KPNA4: variants seen among roughly 807,000 people sequenced by gnomAD.
The protein encoded by KPNA4 is importin subunit alpha-3.
KPNA4 carries 13 observed loss-of-function variants against 71.3 expected under a neutral mutation model. The observed-to-expected ratio is 0.18, with a 90% CI of 0.12 to 0.29. The LOEUF (loss-of-function observed/expected upper bound fraction) is 0.29. Ranked by LOEUF, KPNA4 falls within the 10% of genes least tolerant of loss-of-function variation. The pLI is 1.00. For synonymous variants in KPNA4, 189 were observed against 195.2 expected, an observed-to-expected ratio of 0.97 and a Z score of 0.26; for missense variants, 334 against 603.2, an observed-to-expected ratio of 0.55 and a Z score of 4.67.
chr3:160,561,579 G>C (rs953767100), intron 1 of KPNA4, among the ~76,000 whole-genome samples: 1 of 152,050 alleles, frequency 6.6e-6, no homozygotes, highest in Non-Finnish European at 1.5e-5. Flanking sequence ...AGAGGAGTCA[G>C]AATGGTAGAG....
chr3:160,540,356 T>C (rs1577058645), intron 1 of KPNA4, among the ~76,000 whole-genome samples: 1 of 152,206 alleles, frequency 6.6e-6, no homozygotes, highest in Admixed American at 6.5e-5. Flanking sequence ...GGAGGTTTTT[T>C]GATAATTTGA....
chr3:160,509,717 T>G (rs1577046181), intron 14 of KPNA4, 83 bp downstream of exon 14: 1 of 1,004,030 alleles, frequency 1.0e-6, no homozygotes. Flanking sequence ...TTTTAAATTA[T>G]AACTTACTCA....
chr3:160,521,266 T>C (rs976271872), intron 11 of KPNA4, among the ~76,000 whole-genome samples: 7 of 152,180 alleles, frequency 4.6e-5, no homozygotes, highest in Non-Finnish European at 8.8e-5. Context: ...TCAGATGCCA[T>C]GCATGTTGCT....
chr3:160,530,134 CAA>C (rs746257397), intron 7 of KPNA4, among the ~76,000 whole-genome samples: 12 of 38,528 alleles, frequency 3.1e-4, no homozygotes, highest in Non-Finnish European at 6.0e-4. Context: ...GACTCCATCT[CAA>C]AAAAAAAAAA....
In KPNA4 at chr3:160,498,024, T is replaced by G. The variant is rs1243316574; in HGVS notation, c.*4080A>C. 1.3e-5 allele frequency: 2 copies of G among 152,214 alleles called. No homozygotes were observed. The highest frequency in any genetic ancestry group is 2.9e-5 in the Non-Finnish European group (2 of 68,034). 9.4% of individuals were successfully genotyped at this position (152,214 alleles called of 1,614,324 possible). A position where few individuals can be genotyped will look rare whatever the true frequency, so the allele number is the denominator to read the frequency against. ...ATTGGTTCACAAATTTAAATGAATT[T>G]AGATTACCTTTAGAATAGTAATTAG... On this transcript the variant is annotated 3_prime_UTR_variant, in exon 17 of 17. Coordinates refer to ENST00000334256, the MANE Select transcript of KPNA4 (RefSeq NM_002268.5).
At chr3:160,529,263 T>C (rs1293620794) in intron 7 of KPNA4, among the ~76,000 whole-genome samples, 1 of 152,138 alleles carries the variant, frequency 6.6e-6, no homozygotes, top group Non-Finnish European at 1.5e-5. Context: ...TTATTTTTGG[T>C]ATATTAAAGC....
intron 4 of KPNA4, 43 bp from the exon 5 acceptor site, chr3:160,535,608 T>A (rs754825180): frequency 6.3e-7 from 1 of 1,588,726 alleles, no homozygotes; most frequent in Admixed American, 1.8e-5. Flanking sequence ...ATATCACGAT[T>A]AGCTGTTGAG....
chr3:160,515,018 A>G (rs763436012), intron 12 of KPNA4: 2 of 519,204 alleles, frequency 3.9e-6, no homozygotes, highest in South Asian at 2.8e-5. Context: ...GTAATCAACA[A>G]CCCATGTTAT....
chr3:160,502,780 G>A (rs188679985), intron 16 of KPNA4, among the ~76,000 whole-genome samples: 94 of 152,236 alleles, frequency 6.2e-4, no homozygotes, highest in Non-Finnish European at 1.0e-3. Flanking sequence ...TCAAAGAGAG[G>A]ATGCAAAATT....
intron 7 of KPNA4, 71 bp downstream of exon 7, chr3:160,530,784 G>T: frequency 2.0e-6 from 2 of 1,010,072 alleles, no homozygotes; most frequent in Non-Finnish European, 3.1e-6. Context: ...ATAGTCTTTT[G>T]GGAAGATCAC....
intron 11 of KPNA4, among the ~76,000 whole-genome samples, chr3:160,519,198 CATGAACATGA>C (rs1251680150): frequency 6.6e-5 from 10 of 152,146 alleles, no homozygotes; most frequent in Non-Finnish European, 1.3e-4. Flanking sequence ...TTAGACAATC[CATGAACATGA>C]ATGTCTTTCC....
At position 160,501,534 on chromosome 3, in the gene KPNA4, C is replaced by T. The variant is rs1489284222; in HGVS notation, c.*570G>A. 1 of 152,630 alleles carries T rather than the reference C, an allele frequency of 6.6e-6. No homozygotes were observed. The highest frequency in any genetic ancestry group is 1.5e-5 in the Non-Finnish European group (1 of 68,038). 9.5% of individuals were successfully genotyped at this position (152,630 alleles called of 1,614,324 possible). A position where few individuals can be genotyped will look rare whatever the true frequency, so the allele number is the denominator to read the frequency against. ...AGCACCACAACCACGCTCTCGTACACAGTCACTCCAGGACTAGGAGTCTGC... is the reference window on the plus strand; with the variant it reads ...AGCACCACAACCACGCTCTCGTACATAGTCACTCCAGGACTAGGAGTCTGC... On this transcript the variant is annotated 3_prime_UTR_variant, in exon 17 of 17. Transcript: ENST00000334256.
intron 12 of KPNA4, chr3:160,514,996 A>G (rs1721177084): frequency 1.9e-6 from 1 of 519,214 alleles, no homozygotes; most frequent in South Asian, 1.4e-5. Context: ...GGTTATAATC[A>G]TTGGCAATGT....
At chr3:160,559,686 C>T (rs1381408782) in intron 1 of KPNA4, among the ~76,000 whole-genome samples, 1 of 152,050 alleles carries the variant, frequency 6.6e-6, no homozygotes, top group Non-Finnish European at 1.5e-5. Flanking sequence ...TCCTGAAAAG[C>T]CTATGAAAAC....
At chr3:160,551,713 T>C (rs1268060127) in intron 1 of KPNA4, among the ~76,000 whole-genome samples, 1 of 152,216 alleles carries the variant, frequency 6.6e-6, no homozygotes, top group Non-Finnish European at 1.5e-5. Flanking sequence ...CAAATATCTG[T>C]TAAACCAAAT....
chr3:160,559,700 A>G (rs1394573771), intron 1 of KPNA4, among the ~76,000 whole-genome samples: 4 of 152,128 alleles, frequency 2.6e-5, no homozygotes, highest in African/African-American at 9.7e-5. Context: ...TGAAAACATA[A>G]CATACTTTCC....
At chr3:160,530,988 G>A (rs1721564347) in intron 6 of KPNA4, 48 bp from the exon 7 acceptor site, 2 of 1,255,696 alleles carry the variant, frequency 1.6e-6, no homozygotes, top group Non-Finnish European at 1.1e-6. Context: ...TTTTACATTG[G>A]GCCAAATATC....
At chr3:160,552,157 G>A (rs1001356548) in intron 1 of KPNA4, among the ~76,000 whole-genome samples, 1 of 152,068 alleles carries the variant, frequency 6.6e-6, no homozygotes, top group African/African-American at 2.4e-5. Flanking sequence ...ATGTACACAT[G>A]AAAAAGGAAA....
intron 1 of KPNA4, among the ~76,000 whole-genome samples, chr3:160,547,271 TC>T (rs1481595866): frequency 6.6e-6 from 1 of 152,192 alleles, no homozygotes; most frequent in Non-Finnish European, 1.5e-5. Flanking sequence ...AATCCTCTCC[TC>T]CCCTTATTTT....
Sources: gnomAD v4.1 joint callset for allele counts (sites outside exome capture counted in the v4.1 genomes callset) on GRCh38, gnomAD v4.1.1 for gene constraint, MANE v1.5 for transcripts, NCBI Gene and HGNC (gene_info 2026-07-23, HGNC 2026-07-21) for gene names.